AMER1: variants seen among roughly 807,000 people sequenced by gnomAD.
AMER1 encodes the protein APC membrane recruitment protein 1, also known as RP11-403E24.2.
In AMER1, 16 loss-of-function variants were observed where a neutral mutation model predicts 53.0. The observed-to-expected ratio is 0.30, with a 90% CI of 0.20 to 0.46. The LOEUF (loss-of-function observed/expected upper bound fraction) is 0.46. AMER1 is among the 20% of genes least tolerant of loss of function. AMER1 has a pLI of 1.00. For missense variants in AMER1, 947 were observed against 884.9 expected (o/e 1.07, Z -0.89); for synonymous variants, 354 against 331.9 (o/e 1.07, Z -0.73).
At chrX:64,203,007 T>C (rs923013504) in intron 1 of AMER1, among the ~76,000 whole-genome samples, 2 of 111,604 alleles carry the variant, frequency 1.8e-5, no homozygotes, top group Admixed American at 9.5e-5. Flanking sequence ...TGCCTGTCAA[T>C]CACTTTCTCC....
chrX:64,202,690 C>T (rs1444559858), intron 1 of AMER1, among the ~76,000 whole-genome samples: 1 of 111,731 alleles, frequency 9.0e-6, no homozygotes, highest in African/African-American at 3.3e-5. Context: ...GTAGCCTGCC[C>T]GCAGCTCTAC....
Position 64,191,983 on chromosome X carries a change from C to T in AMER1, c.1304G>A (p.Gly435Asp), listed in dbSNP as rs1309347591. 3 of 1,211,893 alleles carry T rather than the reference C, an allele frequency of 2.5e-6. No individual in the cohort carries two copies. In the East Asian group the frequency reaches 8.9e-5, roughly 36 times the overall value. ...YHPTTSPGHH[G>D]YMLLDPVRSY... ...CCTAACTGGGTCAAGGAGCATGTAG[C>T]CGTGGTGGCCTGGGGATGTGGTGGG... The change falls in exon 2 of 2, where the codon GGC becomes GAC. Residue 435 changes from glycine (G) to aspartate (D), a missense_variant. By Grantham distance (94) the Gly-to-Asp change is moderately conservative (BLOSUM62 -1). Transcript: ENST00000374869.
At chrX:64,196,883 C>T (rs1296769556) in intron 1 of AMER1, among the ~76,000 whole-genome samples, 1 of 112,189 alleles carries the variant, frequency 8.9e-6, no homozygotes, top group Non-Finnish European at 1.9e-5. Flanking sequence ...AGGAAGGTGG[C>T]AGGGTCACCC....
In AMER1 at chrX:64,191,428, C is replaced by G. The variant is rs763577174; in HGVS notation, c.1859G>C (p.Gly620Ala). Residue 620 changes from glycine to alanine, a missense_variant, in exon 2 of 2, where the codon GGC becomes GCC. By Grantham distance (60) the Gly-to-Ala change is moderately conservative. Coordinates refer to ENST00000374869, the MANE Select transcript of AMER1 (RefSeq NM_152424.4). ...AREAHTWEAHGREARTREAQA... is the reference protein window; with the variant it reads ...AREAHTWEAHAREARTREAQA... ...GGCTTCTCGGGTTCTGGCCTCCCTG[C>G]CATGAGCTTCCCAAGTGTGGGCCTC... is the stretch of plus-strand genomic sequence containing the variant. The G allele has an allele frequency of 8.3e-7, 1 of 1,211,968 alleles. No homozygotes were observed. The highest frequency in any genetic ancestry group is 1.1e-6 in the Non-Finnish European group (1 of 895,512).
Position 64,190,590 on chromosome X carries a change from T to C in AMER1, c.2697A>G (p.Ala899=). The change falls in exon 2 of 2, where the codon GCA becomes GCG. Residue 899 remains alanine (A), a synonymous_variant. Transcript: ENST00000374869. ...LNRRSRSLDT[A]ETLEMELSNS... ...TGGAGAGCTCCATCTCCAGGGTCTC[T>C]GCAGTGTCGAGAGAGCGGCTTCTCC... 10 of 1,212,015 alleles carry C rather than the reference T, an allele frequency of 8.3e-6. No individual in the cohort carries two copies. Among genetic ancestry groups the C allele is most frequent in the South Asian group, 3.5e-5 (2 of 56,990 alleles).
rs1313454195 is a variant in AMER1 at position 64,188,506 on chromosome X, C to G, written c.*1373G>C. The G allele has an allele frequency of 1.2e-6, 1 of 802,833 alleles. No individual in the cohort carries two copies. Among genetic ancestry groups the G allele is most frequent in the East Asian group, 7.1e-5 (1 of 14,048 alleles). 66.2% of individuals were successfully genotyped at this position (802,833 alleles called of 1,213,427 possible). On this transcript the variant is annotated 3_prime_UTR_variant, in exon 2 of 2. Coordinates refer to ENST00000374869, the MANE Select transcript of AMER1 (RefSeq NM_152424.4). ...GGCTGCAACTGCCAAGAAGCCCTGTCATTTGATGATGCTAAGGACTCGGCT... is the reference window on the plus strand; with the variant it reads ...GGCTGCAACTGCCAAGAAGCCCTGTGATTTGATGATGCTAAGGACTCGGCT...
At chrX:64,204,733 A>AG (rs774458962) in intron 1 of AMER1, among the ~76,000 whole-genome samples, 15 of 113,083 alleles carry the variant, frequency 1.3e-4, no homozygotes, top group Non-Finnish European at 2.2e-4. Flanking sequence ...CCAAGGGAAA[A>AG]GGAGGTGAGG....
Position 64,202,047 on chromosome X carries a change from G to A in AMER1, c.-99+3523C>T, listed in dbSNP as rs760364544. 7.2e-5 allele frequency among the ~76,000 whole-genome samples: 8 copies of A among 111,777 alleles called. No homozygotes were observed. The South Asian group carries it at 1.1e-3, about 16-fold the overall frequency. On this transcript the variant is annotated intron_variant, in intron 1 of 1. Coordinates refer to ENST00000374869, the MANE Select transcript of AMER1 (RefSeq NM_152424.4). The stretch of plus-strand genomic sequence containing the variant: ...GAGATGAGGTTTTGCCATGTTGCCC[G>A]AGCTGGTCTCGAACTCCTGGGGTCA...
rs753351015 is a variant in AMER1, at chrX:64,191,082, T to C, written c.2205A>G (p.Ala735=). The C allele has an allele frequency of 1.6e-6, 2 of 1,212,141 alleles. No homozygotes were observed. Among genetic ancestry groups the C allele is most frequent in the Admixed American group, 4.3e-5 (2 of 46,121 alleles). The change falls in exon 2 of 2, where the codon GCA becomes GCG. Residue 735 remains alanine (A), a synonymous_variant. Coordinates refer to ENST00000374869, the MANE Select transcript of AMER1 (RefSeq NM_152424.4). ...DAMFEPDMQE[A]NFGGSPRRAY... ...CCCTCCTGGGAGATCCTCCAAAATT[T>C]GCTTCTTGCATGTCTGGCTCAAACA...
chrX:64,188,222 G>A lies in AMER1; in HGVS notation c.*1657C>T, dbSNP rs1486225907. 1.2e-6 allele frequency: 1 copy of A among 803,048 alleles called. No homozygotes were observed. Among genetic ancestry groups the A allele is most frequent in the Admixed American group, 7.7e-5 (1 of 13,048 alleles). 66.2% of individuals were successfully genotyped at this position (803,048 alleles called of 1,213,427 possible). On this transcript the variant is annotated 3_prime_UTR_variant, in exon 2 of 2. Transcript: ENST00000374869. ...TCTCTCAACAGGCATGGAGATGGTG[G>A]GATGTGAGGGCGAGGGTGCAATAAT... is the stretch of plus-strand genomic sequence containing the variant.
rs150929706 is a variant in AMER1, at chrX:64,192,497, C to T, written c.790G>A (p.Ala264Thr). Residue 264 changes from alanine to threonine, a missense_variant, in exon 2 of 2, where the codon GCC becomes ACC. Transcript: ENST00000374869. ...ACKDPEKPME[A>T]CASAHVQPKP... is the part of the protein sequence containing the mutation. ...GGTTGCACATGTGCTGAGGCACAGG[C>T]CTCCATGGGTTTTTCTGGATCTTTA... 1.7e-4 allele frequency: 207 copies of T among 1,202,874 alleles called. 1 individual carries two copies. The Middle Eastern group carries it at 4.2e-3, about 24-fold the overall frequency.
chrX:64,193,499 GA>G, intron 1 of AMER1, 115 bp from the exon 2 acceptor site: 1 of 506,137 alleles, frequency 2.0e-6, no homozygotes, highest in Non-Finnish European at 3.3e-6. Context: ...GAAAATGATG[GA>G]AAATGTGGGG....
intron 1 of AMER1, among the ~76,000 whole-genome samples, chrX:64,195,843 A>G (rs1440191258): frequency 5.3e-5 from 6 of 112,226 alleles, no homozygotes; most frequent in African/African-American, 1.9e-4. Context: ...CCTTGTAAAC[A>G]TATTCCAAGA....
rs1272406736 is a variant in AMER1, at chrX:64,186,793, C to A, written c.*3086G>T. 1 of 772,608 alleles carries A rather than the reference C, an allele frequency of 1.3e-6. No individual in the cohort carries two copies. The highest frequency in any genetic ancestry group is 8.4e-5 in the Admixed American group (1 of 11,880). 63.7% of individuals were successfully genotyped at this position (772,608 alleles called of 1,213,427 possible). Reference sequence around the variant, plus strand: ...CAGTGCTTCCTTGGAGACTCTAAAGCACCAAGAAACTGGCATCCTGGCCCT... The same window carrying A: ...CAGTGCTTCCTTGGAGACTCTAAAGAACCAAGAAACTGGCATCCTGGCCCT... On this transcript the variant is annotated 3_prime_UTR_variant, in exon 2 of 2. Coordinates refer to ENST00000374869, the MANE Select transcript of AMER1 (RefSeq NM_152424.4).
Position 64,193,328 on chromosome X carries a change from C to G in AMER1, c.-42G>C, listed in dbSNP as rs760945392. On this transcript the variant is annotated 5_prime_UTR_variant, in exon 2 of 2. Transcript: ENST00000374869. ...GAGGTACGTCCAGCTGGAAATGCAGCCTCAGGCTTCCAGGCACTGTTATAA... is the reference window on the plus strand; with the variant it reads ...GAGGTACGTCCAGCTGGAAATGCAGGCTCAGGCTTCCAGGCACTGTTATAA... 8.3e-7 allele frequency: 1 copy of G among 1,210,395 alleles called. No individual in the cohort carries two copies. Among genetic ancestry groups the G allele is most frequent in the Non-Finnish European group, 1.1e-6 (1 of 895,235 alleles).
At position 64,189,799 on chromosome X, in the gene AMER1, A is replaced by ACCCCCCCCCCCCCCCCCCCCCCCC; in HGVS notation, c.*79_*80insGGGGGGGGGGGGGGGGGGGGGGGG. The stretch of plus-strand genomic sequence containing the variant: ...GTTTTCAAGTTAAACAACAACCCCC[A>ACCCCCCCCCCCCCCCCCCCCCCCC]CCCCCCCACCCTTCTGCCCAACCCC... On this transcript the variant is annotated 3_prime_UTR_variant, in exon 2 of 2. Coordinates refer to ENST00000374869, the MANE Select transcript of AMER1 (RefSeq NM_152424.4). 1 of 125,104 alleles carries ACCCCCCCCCCCCCCCCCCCCCCCC rather than the reference A, an allele frequency of 8.0e-6. No homozygotes were observed. Among genetic ancestry groups the ACCCCCCCCCCCCCCCCCCCCCCCC allele is most frequent in the Non-Finnish European group, 1.4e-5 (1 of 70,165 alleles). The allele number at this position is 125,104 out of a possible 1,213,427, so 10.3% of individuals were successfully genotyped here.
rs762477559 is a variant in AMER1, at chrX:64,192,698, G to T, written c.589C>A (p.Pro197Thr). The T allele has an allele frequency of 2.1e-5, 25 of 1,177,517 alleles. No individual in the cohort carries two copies. Among genetic ancestry groups the T allele is most frequent in the Non-Finnish European group, 2.6e-5 (23 of 880,249 alleles). The part of the protein sequence containing the change: ...AEQSEPGAKG[P>T]ERVRARPHEH... ...TGAGGCCTGGCTCTGACCCTCTCAG[G>T]CCCCTTGGCCCCTGGCTCACTTTGC... The change falls in exon 2 of 2, where the codon CCT (proline) becomes ACT (threonine). Residue 197 changes from proline to threonine, a missense_variant. By Grantham distance (38) the Pro-to-Thr change is conservative. Coordinates refer to ENST00000374869, the MANE Select transcript of AMER1 (RefSeq NM_152424.4).
rs528118163 is a variant in AMER1, at chrX:64,193,237, G to C, written c.50C>G (p.Ser17Cys). The part of the protein sequence containing the change: ...EAAQAKGAAA[S>C]GSTREQTAEK... ...TGCTGTTTGTTCACGGGTACTCCCA[G>C]AGGCTGCAGCTCCCTTGGCCTGAGC... Residue 17 changes from serine (S) to cysteine (C), a missense_variant, in exon 2 of 2, where the codon TCT (serine) becomes TGT (cysteine). Physicochemically the swap from Ser to Cys is moderately radical, Grantham distance 112 (BLOSUM62 -1). Coordinates refer to ENST00000374869, the MANE Select transcript of AMER1 (RefSeq NM_152424.4). The C allele has an allele frequency of 1.2e-5, 14 of 1,211,936 alleles. No homozygotes were observed. The South Asian group carries it at 2.5e-4, about 21-fold the overall frequency.
rs975113384 is a variant in AMER1, at chrX:64,188,263, C to G, written c.*1616G>C. The G allele has an allele frequency of 1.2e-6, 1 of 800,505 alleles. No individual in the cohort carries two copies. Among genetic ancestry groups the G allele is most frequent in the African/African-American group, 2.2e-5 (1 of 45,343 alleles). The allele number at this position is 800,505 out of a possible 1,213,427, so 66.0% of individuals were successfully genotyped here. On this transcript the variant is annotated 3_prime_UTR_variant, in exon 2 of 2. Transcript: ENST00000374869. ...GTGCAATAATCATAATTTGAGTGAA[C>G]ACAGCCAAGCAAAAAATGTTCCATA...
Sources: gnomAD v4.1 joint callset for allele counts (sites outside exome capture counted in the v4.1 genomes callset) on GRCh38, gnomAD v4.1.1 for gene constraint, MANE v1.5 for transcripts, NCBI Gene and HGNC (gene_info 2026-07-23, HGNC 2026-07-21) for gene names.